SST: variants seen among roughly 807,000 people sequenced by gnomAD.
SST encodes somatostatin, also known as growth hormone release-inhibiting factor.
In SST, 7 loss-of-function variants were observed where a neutral mutation model predicts 10.4. The observed-to-expected ratio is 0.67, with a 90% confidence interval of 0.38 to 1.26. The LOEUF is 1.26. Among genes scored for constraint, SST ranks in the 50% most tolerant of loss-of-function variants. SST has a pLI of 0.02. For synonymous variants in SST, 63 were observed against 63.9 expected, an observed-to-expected ratio of 0.99 and a Z score of 0.07; for missense variants, 145 against 140.8, an observed-to-expected ratio of 1.03 and a Z score of -0.15.
At position 187,669,169 on chromosome 3, in the gene SST, T is replaced by C; in HGVS notation, c.247A>G (p.Arg83Gly). 4.3e-6 allele frequency: 7 copies of C among 1,614,060 alleles called. No homozygotes were observed. The highest frequency in any genetic ancestry group is 5.9e-6 in the Non-Finnish European group (7 of 1,180,026). Reference sequence around the variant, plus strand: ...TTAGCAGATCTCTGCAGCTCAAGCCTCATTTCATCCTGCTCAGCAGCCTGG... The same window carrying C: ...TTAGCAGATCTCTGCAGCTCAAGCCCCATTTCATCCTGCTCAGCAGCCTGG... ...LSQAAEQDEM[R>G]LELQRSANSN... Residue 83 changes from arginine to glycine, a missense_variant, in exon 2 of 2, where the codon AGG becomes GGG. Physicochemically the swap from Arg to Gly is moderately radical, Grantham distance 125. Coordinates refer to ENST00000287641, the MANE Select transcript of SST (RefSeq NM_001048.4).
chr3:187,668,992 G>T lies in SST; in HGVS notation c.*73C>A. ...GCAAGGGTCTCGCTGAAGACTTGGA[G>T]GATTAGGGAAGAGAGATGGGGTGTG... On this transcript the variant is annotated 3_prime_UTR_variant, in exon 2 of 2. Transcript: ENST00000287641. 7.2e-7 allele frequency: 1 copy of T among 1,393,322 alleles called. No individual in the cohort carries two copies. The highest frequency in any genetic ancestry group is 1.0e-6 in the Non-Finnish European group (1 of 981,312). The allele number at this position is 1,393,322 out of a possible 1,614,324, so 86.3% of individuals were successfully genotyped here.
Position 187,669,294 on chromosome 3 carries a change from G to A in SST, c.139-17C>T, listed in dbSNP as rs1190175643. 2.1e-5 allele frequency: 33 copies of A among 1,607,408 alleles called. No homozygotes were observed. The highest frequency in any genetic ancestry group is 2.5e-5 in the Non-Finnish European group (29 of 1,176,506). ...GGCCAGTTCCTGTATAGGGCAGAAG[G>A]GATAGAAAAAGAGAGAAAGAGAAGT... On this transcript the variant is annotated splice_polypyrimidine_tract_variant and intron_variant, in intron 1 of 1. Transcript: ENST00000287641.
chr3:187,670,299 C>T lies in SST; in HGVS notation c.-8G>A. 6.4e-7 allele frequency: 1 copy of T among 1,572,878 alleles called. No individual in the cohort carries two copies. ...GAGGCGGCAGGACAGCATCTCGGCGCCGCGAAAGCCGAGCTGGAGAGTGGC... is the reference window on the plus strand; with the variant it reads ...GAGGCGGCAGGACAGCATCTCGGCGTCGCGAAAGCCGAGCTGGAGAGTGGC... On this transcript the variant is annotated 5_prime_UTR_variant, in exon 1 of 2. Coordinates refer to ENST00000287641, the MANE Select transcript of SST (RefSeq NM_001048.4).
chr3:187,669,074 T>A lies in SST; in HGVS notation c.342A>T (p.Thr114=), dbSNP rs1351990739. The change falls in exon 2 of 2, where the codon ACA becomes ACT. Residue 114 remains threonine, a synonymous_variant. Transcript: ENST00000287641. ...GCKNFFWKTF[T]SC The stretch of plus-strand genomic sequence containing the variant: ...ATACTAGTTAAGAAAGCTAACAGGA[T>A]GTGAAAGTCTTCCAGAAGAAATTCT... The A allele has an allele frequency of 6.2e-6, 10 of 1,613,838 alleles. No individual in the cohort carries two copies. The highest frequency in any genetic ancestry group is 8.5e-6 in the Non-Finnish European group (10 of 1,180,000).
In SST at chr3:187,669,365, G is replaced by A; in HGVS notation, c.139-88C>T. The stretch of plus-strand genomic sequence containing the variant: ...TTTGAAAAGCCTAAATTAAAGAACA[G>A]ATTTGGTCACACACAAAATCCAGTT... On this transcript the variant is annotated intron_variant, in intron 1 of 1. Transcript: ENST00000287641. 3.0e-6 allele frequency: 4 copies of A among 1,313,178 alleles called. No homozygotes were observed. The South Asian group carries it at 3.8e-5, about 13-fold the overall frequency. The allele number at this position is 1,313,178 out of a possible 1,614,324, so 81.3% of individuals were successfully genotyped here.
In SST at chr3:187,669,253, C is replaced by G. The variant is rs1170033526; in HGVS notation, c.163G>C (p.Glu55Gln). Residue 55 changes from glutamate (E) to glutamine (Q), a missense_variant, in exon 2 of 2, where the codon GAG becomes CAG. Physicochemically the swap from Glu to Gln is conservative, Grantham distance 29. Transcript: ENST00000287641. ...KQELAKYFLA[E>Q]LLSEPNQTEN... ...GTCTGGTTGGGTTCAGACAGCAGCT[C>G]TGCCAAGAAGTACTTGGCCAGTTCC... 1 of 1,613,742 alleles carries G rather than the reference C, an allele frequency of 6.2e-7. No individual in the cohort carries two copies. Among genetic ancestry groups the G allele is most frequent in the Non-Finnish European group, 8.5e-7 (1 of 1,179,988 alleles).
At chr3:187,669,322 G>A (rs769072218) in intron 1 of SST, 45 bp from the exon 2 acceptor site, 56 of 1,563,072 alleles carry the variant, frequency 3.6e-5, no homozygotes, top group Non-Finnish European at 4.7e-5. Flanking sequence ...AGAGAAGTGG[G>A]GAGGACAATG....
At chr3:187,669,922 G>A (rs916678130) in intron 1 of SST, among the ~76,000 whole-genome samples, 3 of 152,138 alleles carry the variant, frequency 2.0e-5, no homozygotes, top group Admixed American at 6.5e-5. Flanking sequence ...TGAATGCCAA[G>A]TAAGAACTCA....
intron 1 of SST, among the ~76,000 whole-genome samples, chr3:187,669,730 G>A (rs1398608201): frequency 6.6e-6 from 1 of 152,152 alleles, no homozygotes; most frequent in African/African-American, 2.4e-5. Context: ...AACATACGGC[G>A]TTCGGTCTTT....
chr3:187,668,999 G>A lies in SST; in HGVS notation c.*66C>T, dbSNP rs1328250088. The A allele has an allele frequency of 1.4e-6, 2 of 1,452,400 alleles. No homozygotes were observed. Among genetic ancestry groups the A allele is most frequent in the African/African-American group, 1.4e-5 (1 of 71,668 alleles). The allele number at this position is 1,452,400 out of a possible 1,614,324, so 90.0% of individuals were successfully genotyped here. Reference sequence around the variant, plus strand: ...TCTCGCTGAAGACTTGGAGGATTAGGGAAGAGAGATGGGGTGTGGGGGCGA... The same window carrying A: ...TCTCGCTGAAGACTTGGAGGATTAGAGAAGAGAGATGGGGTGTGGGGGCGA... On this transcript the variant is annotated 3_prime_UTR_variant, in exon 2 of 2. Coordinates refer to ENST00000287641, the MANE Select transcript of SST (RefSeq NM_001048.4).
At position 187,670,297 on chromosome 3, in the gene SST, C is replaced by T; in HGVS notation, c.-6G>A. 6.3e-7 allele frequency: 1 copy of T among 1,575,584 alleles called. No individual in the cohort carries two copies. Among genetic ancestry groups the T allele is most frequent in the East Asian group, 2.3e-5 (1 of 43,114 alleles). ...TGGAGGCGGCAGGACAGCATCTCGG[C>T]GCCGCGAAAGCCGAGCTGGAGAGTG... On this transcript the variant is annotated 5_prime_UTR_variant, in exon 1 of 2. Transcript: ENST00000287641.
intron 1 of SST, among the ~76,000 whole-genome samples, 160 bp downstream of exon 1, chr3:187,669,994 C>T (rs536429502): frequency 2.2e-4 from 33 of 152,152 alleles, no homozygotes; most frequent in Non-Finnish European, 4.1e-4. Flanking sequence ...GGGATTCTAG[C>T]CTTTGATAGT....
chr3:187,670,153 C>G lies in SST; in HGVS notation c.138+1G>C. ...GGGAGACGTCGAGGGAGTCTCCTTACCTGCTTCCCCGCGGCAGCAGCCAGG... is the reference window on the plus strand; with the variant it reads ...GGGAGACGTCGAGGGAGTCTCCTTAGCTGCTTCCCCGCGGCAGCAGCCAGG... On this transcript the variant is annotated splice_donor_variant, in intron 1 of 1. Transcript: ENST00000287641. LOFTEE classifies it high-confidence loss of function. The G allele has an allele frequency of 6.3e-7, 1 of 1,585,154 alleles. No individual in the cohort carries two copies. Among genetic ancestry groups the G allele is most frequent in the Non-Finnish European group, 8.6e-7 (1 of 1,165,834 alleles).
chr3:187,669,227 C>A lies in SST; in HGVS notation c.189G>T (p.Thr63=), dbSNP rs772650747. 1 of 1,613,742 alleles carries A rather than the reference C, an allele frequency of 6.2e-7. No individual in the cohort carries two copies. The change falls in exon 2 of 2, where the codon ACG becomes ACT. Residue 63 remains threonine, a synonymous_variant. Coordinates refer to ENST00000287641, the MANE Select transcript of SST (RefSeq NM_001048.4). ...CTTCAGGTTCCAGGGCATCATTCTCCGTCTGGTTGGGTTCAGACAGCAGCT... is the reference window on the plus strand; with the variant it reads ...CTTCAGGTTCCAGGGCATCATTCTCAGTCTGGTTGGGTTCAGACAGCAGCT... ...LAELLSEPNQ[T]ENDALEPEDL...
At chr3:187,670,125 T>A in intron 1 of SST, 29 bp downstream of exon 1, 1 of 1,570,004 alleles carries the variant, frequency 6.4e-7, no homozygotes. Context: ...GGCTGGAGAA[T>A]CCGGGAGACG....
chr3:187,670,337 A>C lies in SST; in HGVS notation c.-46T>G. ...GCTGGAGAGTGGCTGGTCAAACTCT[A>C]GGCGCGGATCAGCAGGCAGCAGCGA... On this transcript the variant is annotated 5_prime_UTR_variant, in exon 1 of 2. Transcript: ENST00000287641. 2 of 1,539,916 alleles carry C rather than the reference A, an allele frequency of 1.3e-6. No individual in the cohort carries two copies. The highest frequency in any genetic ancestry group is 8.8e-7 in the Non-Finnish European group (1 of 1,140,434).
At position 187,670,151 on chromosome 3, in the gene SST, T is replaced by C; in HGVS notation, c.138+3A>G. 6.3e-7 allele frequency: 1 copy of C among 1,584,740 alleles called. No homozygotes were observed. On this transcript the variant is annotated splice_donor_region_variant and intron_variant, in intron 1 of 1. Transcript: ENST00000287641. ...CCGGGAGACGTCGAGGGAGTCTCCTTACCTGCTTCCCCGCGGCAGCAGCCA... is the reference window on the plus strand; with the variant it reads ...CCGGGAGACGTCGAGGGAGTCTCCTCACCTGCTTCCCCGCGGCAGCAGCCA...
chr3:187,669,236 G>A lies in SST; in HGVS notation c.180C>T (p.Pro60=), dbSNP rs1247138291. 3 of 1,613,830 alleles carry A rather than the reference G, an allele frequency of 1.9e-6. No homozygotes were observed. The highest frequency in any genetic ancestry group is 1.7e-6 in the Non-Finnish European group (2 of 1,180,012). Reference sequence around the variant, plus strand: ...CCAGGGCATCATTCTCCGTCTGGTTGGGTTCAGACAGCAGCTCTGCCAAGA... The same window carrying A: ...CCAGGGCATCATTCTCCGTCTGGTTAGGTTCAGACAGCAGCTCTGCCAAGA... ...KYFLAELLSE[P]NQTENDALEP... is the part of the protein sequence containing the mutation. The change falls in exon 2 of 2, where the codon CCC becomes CCT. Residue 60 remains proline, a synonymous_variant. Coordinates refer to ENST00000287641, the MANE Select transcript of SST (RefSeq NM_001048.4).
In SST at chr3:187,669,165, A is replaced by C. The variant is rs1717177756; in HGVS notation, c.251T>G (p.Leu84Arg). The change falls in exon 2 of 2, where the codon CTT (leucine) becomes CGT (arginine). Residue 84 changes from leucine (L) to arginine (R), a missense_variant. Transcript: ENST00000287641. ...SQAAEQDEMR[L>R]ELQRSANSNP... ...TGAGTTAGCAGATCTCTGCAGCTCAAGCCTCATTTCATCCTGCTCAGCAGC... is the reference window on the plus strand; with the variant it reads ...TGAGTTAGCAGATCTCTGCAGCTCACGCCTCATTTCATCCTGCTCAGCAGC... 6.2e-7 allele frequency: 1 copy of C among 1,614,048 alleles called. No individual in the cohort carries two copies.
Sources: gnomAD v4.1 joint callset for allele counts (sites outside exome capture counted in the v4.1 genomes callset) on GRCh38, gnomAD v4.1.1 for gene constraint, MANE v1.5 for transcripts, NCBI Gene and HGNC (gene_info 2026-07-23, HGNC 2026-07-21) for gene names.